The following MYH8 variants were observed in gnomAD, a reference collection of about 807,000 sequenced individuals.
The protein encoded by MYH8 is myosin-8.
Under a neutral mutation model 233.2 loss-of-function variants are expected in MYH8, and 168 were observed. The ratio of observed to expected loss-of-function variants is 0.72; its 90% CI spans 0.64 to 0.82. The LOEUF (loss-of-function observed/expected upper bound fraction) is 0.82, where lower values mean the gene tolerates loss of function less well. Ranked by LOEUF, MYH8 falls within the 40% of genes least tolerant of loss-of-function variation. The probability of loss-of-function intolerance (pLI) is 0.00; values close to 1 mark genes in which losing one functional copy is unlikely to be tolerated. For synonymous variants in MYH8, 785 were observed against 850.6 expected, an observed-to-expected ratio of 0.92 and a Z score of 1.34; for missense variants, 1,995 against 2,327.8, an observed-to-expected ratio of 0.86 and a Z score of 2.94.
At chr17:10,413,093 C>T (rs1413446887) in intron 12 of MYH8, among the ~76,000 whole-genome samples, 3 of 152,164 alleles carry the variant, frequency 2.0e-5, no homozygotes, top group Non-Finnish European at 4.4e-5. Context: ...GGGTAAAAGT[C>T]AGAATATTTT....
chr17:10,392,971 C>T lies in MYH8; in HGVS notation c.5323G>A (p.Glu1775Lys), dbSNP rs753326378. The T allele has an allele frequency of 6.8e-6, 11 of 1,614,078 alleles. No individual in the cohort carries two copies. Among genetic ancestry groups the T allele is most frequent in the Middle Eastern group, 1.6e-4 (1 of 6,084 alleles). The change falls in exon 37 of 40, where the codon GAA becomes AAA. Residue 1775 changes from glutamate to lysine, a missense_variant. Glu to Lys is a moderately conservative substitution (Grantham distance 56). Around this residue, in one of 3 missense-constraint regions of MYH8, gnomAD observed 1,498 missense variants for 1,680.9 expected, o/e 0.89. Transcript: ENST00000403437. ...TCCAGGTGGGCGCTGGTGTCCTGTT[C>T]CTTCTTCAGCTCCTCAGCCATCATG... Reference protein sequence around the residue: ...AAMMAEELKKEQDTSAHLERM... With the variant: ...AAMMAEELKKKQDTSAHLERM...
At chr17:10,398,334 GAC>G in intron 30 of MYH8, 108 bp downstream of exon 30, 1 of 1,486,696 alleles carries the variant, frequency 6.7e-7, no homozygotes, top group African/African-American at 1.4e-5. Flanking sequence ...TATAATACTT[GAC>G]ACAGTATGCA....
At position 10,418,536 on chromosome 17, in the gene MYH8, C is replaced by T. The variant is rs2072307115; in HGVS notation, c.511+109G>A. 5.0e-6 allele frequency: 8 copies of T among 1,596,096 alleles called. No homozygotes were observed. The Admixed American group carries it at 1.3e-4, about 27-fold the overall frequency. ...AAGTTTTTTGAAAACAGTGAAGCCC[C>T]ATGTGGCTAGAATGTATTATCATAA... is the stretch of plus-strand genomic sequence containing the variant. On this transcript the variant is annotated intron_variant, in intron 5 of 39. Transcript: ENST00000403437.
rs941923100 is a variant in MYH8 at position 10,396,980 on chromosome 17, C to A, written c.4185G>T (p.Lys1395Asn). 7.4e-6 allele frequency: 12 copies of A among 1,614,096 alleles called. 1 individual carries two copies. Among genetic ancestry groups the A allele is most frequent in the Admixed American group, 3.3e-5 (2 of 60,014 alleles). ...CAGCTTCTTGCAGGCGCTGGGCCAACTTTTTCCTGAAAAGTTAGCCAGGCA... is the reference window on the plus strand; with the variant it reads ...CAGCTTCTTGCAGGCGCTGGGCCAAATTTTTCCTGAAAAGTTAGCCAGGCA... ...RTEELEEAKKKLAQRLQEAEE... is the reference protein window; with the variant it reads ...RTEELEEAKKNLAQRLQEAEE... Residue 1395 changes from lysine (K) to asparagine (N), a missense_variant, in exon 31 of 40, where the codon AAG (lysine) becomes AAT (asparagine). Lys to Asn is a moderately conservative substitution (Grantham distance 94, BLOSUM62 0). Around this residue, in one of 3 missense-constraint regions of MYH8, gnomAD observed 1,498 missense variants for 1,680.9 expected, o/e 0.89. Coordinates refer to ENST00000403437, the MANE Select transcript of MYH8 (RefSeq NM_002472.3). The surrounding 1 kb of genome is among the most constrained non-coding windows in gnomAD (Gnocchi z 4.2).
rs556513030 is a variant in MYH8 at position 10,396,552 on chromosome 17, C to A, written c.4528+1G>T. On this transcript the variant is annotated splice_donor_variant, in intron 32 of 39. Transcript: ENST00000403437. LOFTEE classifies it high-confidence loss of function. The surrounding 1 kb of genome is among the most constrained non-coding windows in gnomAD (Gnocchi z 4.2). Reference sequence around the variant, plus strand: ...GAGTAGGGAGGACTGTGAGGACTCACGTTGCAAGTTCTTATTTTCTCTTCT... The same window carrying A: ...GAGTAGGGAGGACTGTGAGGACTCAAGTTGCAAGTTCTTATTTTCTCTTCT... 6.2e-7 allele frequency: 1 copy of A among 1,613,936 alleles called. No individual in the cohort carries two copies. Among genetic ancestry groups the A allele is most frequent in the South Asian group, 1.1e-5 (1 of 91,050 alleles).
chr17:10,411,146 G>C (rs1043257633), intron 14 of MYH8, among the ~76,000 whole-genome samples, 199 bp from the exon 15 acceptor site: 1 of 152,164 alleles, frequency 6.6e-6, no homozygotes, highest in African/African-American at 2.4e-5. Context: ...GGAGGCCGCG[G>C]TGGGTGGATC....
chr17:10,407,839 G>GA (rs897796108), intron 17 of MYH8, among the ~76,000 whole-genome samples: 10 of 147,036 alleles, frequency 6.8e-5, no homozygotes, highest in South Asian at 2.1e-4. Context: ...ACTCTGTCTC[G>GA]AAAAAAAAAT....
In MYH8 at chr17:10,392,732, C is replaced by G; in HGVS notation, c.5464-86G>C. The G allele has an allele frequency of 3.1e-6, 5 of 1,613,762 alleles. No homozygotes were observed. The South Asian group carries it at 5.5e-5, about 18-fold the overall frequency. On this transcript the variant is annotated intron_variant, in intron 37 of 39. Coordinates refer to ENST00000403437, the MANE Select transcript of MYH8 (RefSeq NM_002472.3). ...TACTGAAGGCATGGGGTGGGTGTTC[C>G]CAGCCCCAGGACAGGATGGGAGTCT...
At position 10,415,833 on chromosome 17, in the gene MYH8, T is replaced by G; in HGVS notation, c.512-125A>C. ...TGAAGATGTCACCTTTGGTTTTGAT[T>G]TTGTGTTTATCCTCCAAAATAGCCA... On this transcript the variant is annotated intron_variant, in intron 5 of 39. Coordinates refer to ENST00000403437, the MANE Select transcript of MYH8 (RefSeq NM_002472.3). The surrounding 1 kb of genome is among the most constrained non-coding windows in gnomAD (Gnocchi z 4.1). 9.0e-7 allele frequency: 1 copy of G among 1,106,992 alleles called. No individual in the cohort carries two copies. Among genetic ancestry groups the G allele is most frequent in the Non-Finnish European group, 1.3e-6 (1 of 752,436 alleles). 68.6% of individuals were successfully genotyped at this position (1,106,992 alleles called of 1,614,324 possible).
At chr17:10,410,435 A>T (rs1180942849) in intron 15 of MYH8, among the ~76,000 whole-genome samples, 1 of 152,234 alleles carries the variant, frequency 6.6e-6, no homozygotes, top group Non-Finnish European at 1.5e-5. Flanking sequence ...ATATAGAAAA[A>T]TATTTTTATT....
intron 9 of MYH8, 137 bp downstream of exon 9, chr17:10,414,979 C>T: frequency 2.4e-6 from 2 of 818,054 alleles, no homozygotes; most frequent in South Asian, 1.4e-5. Flanking sequence ...ATGGGTAAGC[C>T]TAGCATTAGC....
In MYH8 at chr17:10,410,797, AG is replaced by A; in HGVS notation, c.1566del (p.Cys523AlafsTer60). The A allele has an allele frequency of 6.2e-7, 1 of 1,613,936 alleles. No individual in the cohort carries two copies. The highest frequency in any genetic ancestry group is 8.5e-7 in the Non-Finnish European group (1 of 1,179,892). On this transcript the variant is annotated frameshift_variant, in exon 15 of 40. Coordinates refer to ENST00000403437, the MANE Select transcript of MYH8 (RefSeq NM_002472.3). LOFTEE classifies it high-confidence loss of function. ...TFIDFGMDLA[A>X]CIELIEKPLG... ...CCGACCTTCTCAATGAGCTCAATGCAGGCAGCCAGGTCCATCCCAAAGTCAA... is the reference window on the plus strand; with the variant it reads ...CCGACCTTCTCAATGAGCTCAATGCAGCAGCCAGGTCCATCCCAAAGTCAA...
Position 10,412,971 on chromosome 17 carries a change from A to G in MYH8, c.1148-243T>C, listed in dbSNP as rs2072258272. ...GAAATTTTTCATCAACTGTAAACAT[A>G]TGTAGTATTTATTGCCGTCTTGCAG... On this transcript the variant is annotated intron_variant, in intron 12 of 39. Transcript: ENST00000403437. Among the ~76,000 whole-genome samples the G allele has an allele frequency of 3.3e-5, 5 of 152,216 alleles. No homozygotes were observed. In the South Asian group the frequency reaches 1.0e-3, roughly 32 times the overall value.
In MYH8 at chr17:10,396,865, C is replaced by G; in HGVS notation, c.4300G>C (p.Asp1434His). 2 of 1,614,238 alleles carry G rather than the reference C, an allele frequency of 1.2e-6. No homozygotes were observed. The highest frequency in any genetic ancestry group is 3.3e-5 in the Admixed American group (2 of 60,026). Residue 1434 changes from aspartate (D) to histidine (H), a missense_variant, in exon 31 of 40, where the codon GAT (aspartate) becomes CAT (histidine). Coordinates refer to ENST00000403437, the MANE Select transcript of MYH8 (RefSeq NM_002472.3). This position sits in a 1 kb window ranked among gnomAD's most constrained non-coding sequence, Gnocchi z 4.2. ...LQNEVEDLML[D>H]VERSNAACAA... ...CAGGCTGCATTAGACCTTTCCACAT[C>G]AAGCATGAGGTCTTCAACTTCATTC...
chr17:10,407,669 T>C (rs2072207067), intron 17 of MYH8, among the ~76,000 whole-genome samples: 1 of 151,750 alleles, frequency 6.6e-6, no homozygotes, highest in Non-Finnish European at 1.5e-5. Flanking sequence ...TGAAACCCCA[T>C]CTCTACTAAA....
chr17:10,395,044 A>G, intron 34 of MYH8, 89 bp downstream of exon 34: 2 of 1,436,566 alleles, frequency 1.4e-6, no homozygotes, highest in Non-Finnish European at 2.0e-6. Context: ...TTGTTAAGAG[A>G]AAAAAAGGAT....
At chr17:10,411,056 CA>C in intron 14 of MYH8, 109 bp from the exon 15 acceptor site, 1 of 1,564,630 alleles carries the variant, frequency 6.4e-7, no homozygotes, top group African/African-American at 1.4e-5. Flanking sequence ...TAATGAGATA[CA>C]GTTAAAACTA....
rs1370542093 is a variant in MYH8, at chr17:10,415,989, A to G, written c.512-281T>C. Among the ~76,000 whole-genome samples the G allele has an allele frequency of 6.6e-6, 1 of 152,214 alleles. No homozygotes were observed. The highest frequency in any genetic ancestry group is 1.5e-5 in the Non-Finnish European group (1 of 68,036). ...TACCATCTTAACCATTTTTAAGTGT[A>G]GAGATCACTGGCAGTAAGTACATTC... On this transcript the variant is annotated intron_variant, in intron 5 of 39. Transcript: ENST00000403437. This position sits in a 1 kb window ranked among gnomAD's most constrained non-coding sequence, Gnocchi z 4.1.
In MYH8 at chr17:10,396,537, G is replaced by A. The variant is rs1458300654; in HGVS notation, c.4528+16C>T. ...TCCCAGGGATATATGGAGTAGGGAGGACTGTGAGGACTCACGTTGCAAGTT... is the reference window on the plus strand; with the variant it reads ...TCCCAGGGATATATGGAGTAGGGAGAACTGTGAGGACTCACGTTGCAAGTT... On this transcript the variant is annotated intron_variant, in intron 32 of 39. Transcript: ENST00000403437. This position sits in a 1 kb window ranked among gnomAD's most constrained non-coding sequence, Gnocchi z 4.2. 1.1e-5 allele frequency: 18 copies of A among 1,613,862 alleles called. No homozygotes were observed. Among genetic ancestry groups the A allele is most frequent in the Middle Eastern group, 3.3e-4 (2 of 6,062 alleles).
Sources: allele counts gnomAD v4.1 joint callset (sites outside exome capture counted in the v4.1 genomes callset), GRCh38; gene constraint gnomAD v4.1.1; regional missense constraint gnomAD v4.1.1; non-coding constraint Gnocchi (gnomAD v3.1); transcripts MANE v1.5; gene names NCBI Gene and HGNC (gene_info 2026-07-23, HGNC 2026-07-21).